TIAM1: variants seen among roughly 807,000 people sequenced by gnomAD.
The protein encoded by TIAM1 is rho guanine nucleotide exchange factor TIAM1.
In TIAM1, 65 loss-of-function variants were observed where a neutral mutation model predicts 163.5. That is an observed-to-expected ratio of 0.40 (90% CI 0.33 to 0.49). The LOEUF is 0.49. TIAM1 is among the 20% of genes least tolerant of loss of function. The probability of loss-of-function intolerance (pLI) is 0.77; values close to 1 mark genes in which losing one functional copy is unlikely to be tolerated. For missense variants in TIAM1, 1,789 were observed against 2,044.7 expected, an observed-to-expected ratio of 0.87 and a Z score of 2.41; for synonymous variants, 833 against 810.1, an observed-to-expected ratio of 1.03 and a Z score of -0.48.
In TIAM1 at chr21:31,201,681, C is replaced by T. The variant is rs147245448; in HGVS notation, c.2493+1227G>A. On this transcript the variant is annotated intron_variant, in intron 12 of 27. Transcript: ENST00000541036. Reference sequence around the variant, plus strand: ...TCCCTTTTCCAAAAAGAGAATAATACTTGGGTTTAAATGTTCAGTTCCGCT... The same window carrying T: ...TCCCTTTTCCAAAAAGAGAATAATATTTGGGTTTAAATGTTCAGTTCCGCT... Among the ~76,000 whole-genome samples, 299 of 152,278 alleles carry T rather than the reference C, an allele frequency of 2.0e-3. 2 individuals are homozygous for T. The highest frequency in any genetic ancestry group is 7.0e-3 in the African/African-American group (290 of 41,550).
Position 31,266,519 on chromosome 21 carries a change from A to G in TIAM1, c.454T>C (p.Tyr152His), listed in dbSNP as rs780182831. 4 of 1,614,038 alleles carry G rather than the reference A, an allele frequency of 2.5e-6. No homozygotes were observed. Among genetic ancestry groups the G allele is most frequent in the East Asian group, 4.5e-5 (2 of 44,890 alleles). The change falls in exon 4 of 28, where the codon TAT (tyrosine) becomes CAT (histidine). Residue 152 changes from tyrosine (Y) to histidine (H), a missense_variant. Physicochemically the swap from Tyr to His is moderately conservative, Grantham distance 83. This residue lies in a region of TIAM1 where 555 missense variants were observed against 564.9 expected (regional missense o/e 0.98). Coordinates refer to ENST00000541036, the MANE Select transcript of TIAM1 (RefSeq NM_001353694.2). ...ATGAAAGTGGGCCCATTGGATGTAT[A>G]GGAATGCTGCCTCCTGCCTCCCTCA... ...LAEGGRRQHS[Y>H]TSNGPTFMET...
At chr21:31,274,711 C>T (rs1300653645) in intron 3 of TIAM1, among the ~76,000 whole-genome samples, 1 of 152,190 alleles carries the variant, frequency 6.6e-6, no homozygotes, top group Admixed American at 6.5e-5. Context: ...TGGGGTCAAA[C>T]ATCTCTAGTG....
chr21:31,260,807 T>A (rs1165094560), intron 4 of TIAM1, among the ~76,000 whole-genome samples: 1 of 152,012 alleles, frequency 6.6e-6, no homozygotes, highest in Non-Finnish European at 1.5e-5. Context: ...AACCTGAGGT[T>A]CTTAACCAGA....
At chr21:31,347,808 A>ACCCTT (rs1207032953), upstream of TIAM1, among the ~76,000 whole-genome samples, 9 of 141,082 alleles carry the variant, frequency 6.4e-5, no homozygotes, top group South Asian at 4.2e-4. Context: ...AAACCCTGAC[A>ACCCTT]ACTTTATGCA....
intron 15 of TIAM1, among the ~76,000 whole-genome samples, chr21:31,167,631 G>C (rs1034888163): frequency 1.3e-5 from 2 of 152,160 alleles, no homozygotes; most frequent in Non-Finnish European, 2.9e-5. Flanking sequence ...GTTTCCCACA[G>C]GGTGTGAGAA....
At chr21:31,489,475 G>A (rs1403970610) in intron 1 of TIAM1, among the ~76,000 whole-genome samples, 6 of 110,230 alleles carry the variant, frequency 5.4e-5, no homozygotes, top group Non-Finnish European at 1.1e-4. Context: ...AAAGTGAGAA[G>A]GAGATGAAAG....
At chr21:31,198,095 C>T (rs2085976092) in intron 12 of TIAM1, among the ~76,000 whole-genome samples, 1 of 152,080 alleles carries the variant, frequency 6.6e-6, no homozygotes, top group South Asian at 2.1e-4. Context: ...AATTTTGAGC[C>T]AAGGTCAATA....
At position 31,252,046 on chromosome 21, in the gene TIAM1, G is replaced by C; in HGVS notation, c.1107C>G (p.Asp369Glu). Residue 369 changes from aspartate to glutamate, a missense_variant, in exon 5 of 28, where the codon GAC (aspartate) becomes GAG (glutamate). This residue lies in a region of TIAM1 where 555 missense variants were observed against 564.9 expected (regional missense o/e 0.98). Coordinates refer to ENST00000541036, the MANE Select transcript of TIAM1 (RefSeq NM_001353694.2). The part of the protein sequence containing the change: ...PTTGRAFVGS[D>E]SGSSSTGDAA... Reference sequence around the variant, plus strand: ...CATCCCCGGTGGAGCTGCTGCCGCTGTCGCTGCCCACAAAGGCCCGGCCTG... The same window carrying C: ...CATCCCCGGTGGAGCTGCTGCCGCTCTCGCTGCCCACAAAGGCCCGGCCTG... 1.2e-6 allele frequency: 2 copies of C among 1,614,062 alleles called. No homozygotes were observed. Among genetic ancestry groups the C allele is most frequent in the South Asian group, 2.2e-5 (2 of 91,086 alleles).
At chr21:31,259,848 C>T (rs927861425) in intron 4 of TIAM1, among the ~76,000 whole-genome samples, 7 of 151,964 alleles carry the variant, frequency 4.6e-5, no homozygotes, top group East Asian at 3.9e-4. Flanking sequence ...AGGTATGAGA[C>T]GCTAGTGTCT....
intron 1 of TIAM1, among the ~76,000 whole-genome samples, chr21:31,551,393 G>A (rs761426304): frequency 6.6e-6 from 1 of 151,850 alleles, no homozygotes; most frequent in Non-Finnish European, 1.5e-5. Flanking sequence ...CTGGGGAACA[G>A]AGCGAGGCTC....
intron 2 of TIAM1, among the ~76,000 whole-genome samples, chr21:31,327,051 A>C (rs1305307418): frequency 6.6e-6 from 1 of 152,212 alleles, no homozygotes; most frequent in Non-Finnish European, 1.5e-5. Context: ...GGAAGCAGAT[A>C]TGACAAATGG....
chr21:31,412,214 A>G (rs1388971155), intron 2 of TIAM1, among the ~76,000 whole-genome samples: 1 of 152,182 alleles, frequency 6.6e-6, no homozygotes, highest in Non-Finnish European at 1.5e-5. Context: ...TCTAAGTCGG[A>G]GCTAAATAAT....
intron 4 of TIAM1, among the ~76,000 whole-genome samples, chr21:31,258,629 A>T (rs920320965): frequency 6.6e-6 from 1 of 152,190 alleles, no homozygotes; most frequent in Non-Finnish European, 1.5e-5. Context: ...CAAGAGATCT[A>T]GACCATCCTG....
intron 2 of TIAM1, among the ~76,000 whole-genome samples, chr21:31,296,232 TAAG>T (rs1178801029): frequency 1.3e-5 from 2 of 152,248 alleles, no homozygotes; most frequent in South Asian, 2.1e-4. Context: ...CTGGGGGTAA[TAAG>T]GAGTATTTGG....
chr21:31,399,178 T>C (rs531048897), intron 2 of TIAM1, among the ~76,000 whole-genome samples: 1 of 152,254 alleles, frequency 6.6e-6, no homozygotes, highest in South Asian at 2.1e-4. Context: ...ATTATAAATC[T>C]TACTTTGACA....
intron 23 of TIAM1, among the ~76,000 whole-genome samples, chr21:31,134,797 C>T (rs926061844): frequency 6.6e-6 from 1 of 152,176 alleles, no homozygotes; most frequent in Non-Finnish European, 1.5e-5. Flanking sequence ...AGGTGTGAGC[C>T]ACCACACCTG....
chr21:31,427,395 G>C (rs2043831131), intron 2 of TIAM1, among the ~76,000 whole-genome samples: 1 of 152,062 alleles, frequency 6.6e-6, no homozygotes, highest in African/African-American at 2.4e-5. Context: ...GCTGAGGCAG[G>C]AGAATGGCGT....
chr21:31,418,235 G>A (rs564745641), intron 2 of TIAM1, among the ~76,000 whole-genome samples: 15 of 151,518 alleles, frequency 9.9e-5, no homozygotes, highest in Non-Finnish European at 1.5e-4. Context: ...CCAGCTACTC[G>A]GGAGGCTGAG....
intron 14 of TIAM1, among the ~76,000 whole-genome samples, chr21:31,183,347 T>C (rs866608642): frequency 1.3e-5 from 2 of 152,048 alleles, no homozygotes; most frequent in Non-Finnish European, 2.9e-5. Context: ...GAACAGCAAG[T>C]TGAGACACCA....
Sources: gnomAD v4.1 joint callset for allele counts (sites outside exome capture counted in the v4.1 genomes callset) on GRCh38, gnomAD v4.1.1 for gene constraint, gnomAD v4.1.1 regional missense constraint, MANE v1.5 for transcripts, NCBI Gene and HGNC (gene_info 2026-07-23, HGNC 2026-07-21) for gene names.